Variants in RGS7 observed in about 807,000 individuals in gnomAD.
RGS7 encodes the protein regulator of G-protein signaling 7.
A neutral mutation model predicts 81.1 loss-of-function variants in RGS7; 27 were observed. The observed-to-expected ratio is 0.33, with a 90% CI of 0.25 to 0.46. The LOEUF is 0.46. Ranked by LOEUF, RGS7 falls within the 20% of genes least tolerant of loss-of-function variation. RGS7 has a pLI of 1.00. For missense variants in RGS7, 396 were observed against 607.4 expected, an observed-to-expected ratio of 0.65 and a Z score of 3.66; for synonymous variants, 208 against 207.7, an observed-to-expected ratio of 1.00 and a Z score of -0.01.
chr1:240,798,609 G>A (rs1300187769), intron 18 of RGS7, among the ~76,000 whole-genome samples: 1 of 152,040 alleles, frequency 6.6e-6, no homozygotes, highest in Non-Finnish European at 1.5e-5. Flanking sequence ...ATGTGACTCT[G>A]GGCAAATTAT....
At chr1:240,911,687 T>C (rs996642656) in intron 6 of RGS7, among the ~76,000 whole-genome samples, 11 of 152,158 alleles carry the variant, frequency 7.2e-5, no homozygotes, top group African/African-American at 2.7e-4. Context: ...TCATGCCCAG[T>C]GGACCATGAA....
intron 2 of RGS7, among the ~76,000 whole-genome samples, chr1:241,295,473 A>AAGAT (rs369542975): frequency 2.8e-4 from 43 of 151,566 alleles, no homozygotes; most frequent in Non-Finnish European, 7.4e-5. Context: ...GAAAAAAAAA[A>AAGAT]GATATGTTTA....
At chr1:240,838,715 T>A (rs2147866191) in intron 9 of RGS7, among the ~76,000 whole-genome samples, 1 of 152,046 alleles carries the variant, frequency 6.6e-6, no homozygotes, top group South Asian at 2.1e-4. Context: ...AACAACAGAG[T>A]CTTTCTTGAT....
chr1:241,003,284 A>G (rs1287568131), intron 3 of RGS7, among the ~76,000 whole-genome samples: 1 of 151,956 alleles, frequency 6.6e-6, no homozygotes, highest in Non-Finnish European at 1.5e-5. Context: ...GCACAGCGAA[A>G]CCCTGTCTCT....
chr1:241,234,544 C>A (rs2148083564), intron 2 of RGS7, among the ~76,000 whole-genome samples: 1 of 151,864 alleles, frequency 6.6e-6, no homozygotes, highest in Middle Eastern at 3.4e-3. Flanking sequence ...GCTAGACCAG[C>A]CACCCTGAGT....
rs565010293 is a variant in RGS7 at position 241,256,865 on chromosome 1, G to T, written c.78+98834C>A. Among the ~76,000 whole-genome samples, 7 of 151,090 alleles carry T rather than the reference G, an allele frequency of 4.6e-5. No individual in the cohort carries two copies. The South Asian group carries it at 1.5e-3, about 32-fold the overall frequency. On this transcript the variant is annotated intron_variant, in intron 2 of 18. Transcript: ENST00000440928. Reference sequence around the variant, plus strand: ...GCACAAATGTTCAGTCCATAGCAAGGATATTTGTCAACTTCTCCCGTAGGC... The same window carrying T: ...GCACAAATGTTCAGTCCATAGCAAGTATATTTGTCAACTTCTCCCGTAGGC...
At position 241,098,779 on chromosome 1, in the gene RGS7, T is replaced by C. The variant is rs2064488121; in HGVS notation, c.79-17A>G. The C allele has an allele frequency of 6.4e-7, 1 of 1,563,290 alleles. No homozygotes were observed. The highest frequency in any genetic ancestry group is 8.8e-7 in the Non-Finnish European group (1 of 1,136,140). The stretch of plus-strand genomic sequence containing the variant: ...GTCTTCCATCTAAACAATAATAACA[T>C]AATTAAAACCTTTATAAAGTTGAAC... On this transcript the variant is annotated splice_polypyrimidine_tract_variant and intron_variant, in intron 2 of 18. Transcript: ENST00000440928.
Position 241,259,667 on chromosome 1 carries a change from A to AAAAAAAAAAAAAAAATAT in RGS7, c.78+96031_78+96032insATATTTTTTTTTTTTTTT. On this transcript the variant is annotated intron_variant, in intron 2 of 18. Coordinates refer to ENST00000440928, the MANE Select transcript of RGS7 (RefSeq NM_001364886.1). ...CTCCGTCTCAAAAAAAAAAAAAAAA[A>AAAAAAAAAAAAAAAATAT]ATATATATATATATATATAATTAAA... Among the ~76,000 whole-genome samples, 118 of 49,064 alleles carry AAAAAAAAAAAAAAAATAT rather than the reference A, an allele frequency of 2.4e-3. 4 individuals are homozygous for AAAAAAAAAAAAAAAATAT. Among genetic ancestry groups the AAAAAAAAAAAAAAAATAT allele is most frequent in the East Asian group, 0.016 (26 of 1,640 alleles). The allele number at this position is 49,064 out of a possible 152,430, so 32.2% of individuals were successfully genotyped here.
chr1:241,179,976 A>G (rs552931154), intron 2 of RGS7, among the ~76,000 whole-genome samples: 1 of 152,306 alleles, frequency 6.6e-6, no homozygotes, highest in East Asian at 1.9e-4. Flanking sequence ...ATAGTTAGAC[A>G]TTGAAATGAG....
intron 2 of RGS7, among the ~76,000 whole-genome samples, chr1:241,142,842 G>A (rs368920322): frequency 8.5e-4 from 129 of 152,298 alleles, no homozygotes; most frequent in African/African-American, 3.0e-3. Flanking sequence ...ATGTTGTCAA[G>A]CTGCGAATTT....
At chr1:241,199,203 T>G (rs1001041311) in intron 2 of RGS7, among the ~76,000 whole-genome samples, 1 of 151,968 alleles carries the variant, frequency 6.6e-6, no homozygotes, top group East Asian at 1.9e-4. Flanking sequence ...ACGCCTGTAA[T>G]CCCAGCACTT....
intron 4 of RGS7, among the ~76,000 whole-genome samples, chr1:240,947,274 T>G (rs1471110425): frequency 6.6e-6 from 1 of 152,224 alleles, no homozygotes; most frequent in African/African-American, 2.4e-5. Context: ...CCTATAAATG[T>G]GATCATCATT....
intron 3 of RGS7, among the ~76,000 whole-genome samples, chr1:241,011,479 T>C (rs2058953413): frequency 6.6e-6 from 1 of 152,120 alleles, no homozygotes; most frequent in Non-Finnish European, 1.5e-5. Flanking sequence ...AAGTAAGAAT[T>C]AAGTTGTCTG....
chr1:241,067,583 G>A (rs1003625931), intron 3 of RGS7, among the ~76,000 whole-genome samples: 5 of 150,964 alleles, frequency 3.3e-5, no homozygotes, highest in South Asian at 2.1e-4. Flanking sequence ...GCACTGGCAC[G>A]ATCTCGGCTC....
At chr1:241,303,137 T>C (rs2079873955) in intron 2 of RGS7, among the ~76,000 whole-genome samples, 1 of 152,208 alleles carries the variant, frequency 6.6e-6, no homozygotes, top group African/African-American at 2.4e-5. Context: ...TGGATTTGCG[T>C]CCCTGCCCAA....
chr1:241,180,108 C>G (rs1383036378), intron 2 of RGS7, among the ~76,000 whole-genome samples: 1 of 152,132 alleles, frequency 6.6e-6, no homozygotes, highest in Non-Finnish European at 1.5e-5. Context: ...GGCGCGGTGG[C>G]TCACACCTGT....
intron 2 of RGS7, among the ~76,000 whole-genome samples, chr1:241,180,313 T>G (rs1306788680): frequency 6.6e-6 from 1 of 151,966 alleles, no homozygotes; most frequent in African/African-American, 2.4e-5. Flanking sequence ...AGGCGGAGAT[T>G]GCAGTGAGCT....
intron 2 of RGS7, among the ~76,000 whole-genome samples, chr1:241,300,688 A>G (rs10926457): frequency 0.71 from 107,374 of 152,180 alleles, 39,686 homozygotes; most frequent in East Asian, 0.98. Context: ...GTTACTTCCA[A>G]GTTTTAGCAA....
At chr1:241,348,737 C>T (rs780148576) in intron 2 of RGS7, among the ~76,000 whole-genome samples, 2 of 152,116 alleles carry the variant, frequency 1.3e-5, no homozygotes, top group Non-Finnish European at 2.9e-5. Flanking sequence ...ATATATAAGA[C>T]AAGATGCCAA....
Sources: gnomAD v4.1 joint callset for allele counts (sites outside exome capture counted in the v4.1 genomes callset) on GRCh38, gnomAD v4.1.1 for gene constraint, MANE v1.5 for transcripts, NCBI Gene and HGNC (gene_info 2026-07-23, HGNC 2026-07-21) for gene names.